TRPC4: variants seen among roughly 807,000 people sequenced by gnomAD.
TRPC4 encodes the protein short transient receptor potential channel 4.
A neutral mutation model predicts 99.4 loss-of-function variants in TRPC4; 49 were observed. The ratio of observed to expected loss-of-function variants is 0.49; its 90% confidence interval spans 0.39 to 0.63. The LOEUF is 0.63. TRPC4 is among the 20% of genes least tolerant of loss of function. The pLI is 0.00. For synonymous variants in TRPC4, 454 were observed against 425.9 expected (o/e 1.07, Z -0.81); for missense variants, 898 against 1,152.9 (o/e 0.78, Z 3.20).
chr13:37,787,907 T>C (rs1005845031), intron 1 of TRPC4, among the ~76,000 whole-genome samples: 3 of 152,110 alleles, frequency 2.0e-5, no homozygotes, highest in Non-Finnish European at 2.9e-5. Context: ...TTCCTTTTAA[T>C]TTTATTTTCT....
chr13:37,691,723 A>G (rs761396736), intron 4 of TRPC4, among the ~76,000 whole-genome samples: 1 of 152,226 alleles, frequency 6.6e-6, no homozygotes, highest in Admixed American at 6.5e-5. Flanking sequence ...AAGTTTTAAT[A>G]AACAAAAAAC....
At position 37,679,777 on chromosome 13, in the gene TRPC4, A is replaced by G. The variant is rs543333458; in HGVS notation, c.1235-5410T>C. On this transcript the variant is annotated intron_variant, in intron 4 of 10. Transcript: ENST00000379705. ...ATAGAATTGGGACATAATTGGGAAA[A>G]TGATAATAATATTTACTACCTCCAT... Among the ~76,000 whole-genome samples the G allele has an allele frequency of 1.3e-3, 195 of 152,332 alleles. 1 individual carries two copies. The highest frequency in any genetic ancestry group is 4.6e-3 in the African/African-American group (190 of 41,568).
intron 2 of TRPC4, 53 bp downstream of exon 2, chr13:37,782,903 A>C: frequency 7.1e-7 from 1 of 1,414,538 alleles, no homozygotes. Context: ...AAAAGAAAAA[A>C]CAAAAAACCT....
chr13:37,693,895 G>C (rs1953819866), intron 3 of TRPC4, among the ~76,000 whole-genome samples: 1 of 152,068 alleles, frequency 6.6e-6, no homozygotes, highest in African/African-American at 2.4e-5. Flanking sequence ...GCTGGGGTAG[G>C]GGGGACTATC....
chr13:37,645,312 G>A (rs1015987531), intron 8 of TRPC4, among the ~76,000 whole-genome samples: 9 of 152,114 alleles, frequency 5.9e-5, no homozygotes, highest in Non-Finnish European at 7.3e-5. Flanking sequence ...TTCAATAGAA[G>A]TTTCAGGTTT....
chr13:37,833,783 C>A (rs1400228661), intron 1 of TRPC4, among the ~76,000 whole-genome samples: 1 of 152,194 alleles, frequency 6.6e-6, no homozygotes, highest in Non-Finnish European at 1.5e-5. Flanking sequence ...TCAGCCTTCA[C>A]AAAACCATCC....
chr13:37,795,944 T>A (rs1366101774), intron 1 of TRPC4, among the ~76,000 whole-genome samples: 1 of 152,126 alleles, frequency 6.6e-6, no homozygotes. Context: ...CTACTAAATG[T>A]TGCATCCAGA....
chr13:37,702,725 G>A (rs112147650), intron 3 of TRPC4, among the ~76,000 whole-genome samples: 1 of 152,108 alleles, frequency 6.6e-6, no homozygotes. Flanking sequence ...CTTATGAAAT[G>A]AGGGGACCCT....
chr13:37,706,728 G>A (rs1593553476), intron 3 of TRPC4, among the ~76,000 whole-genome samples: 2 of 151,828 alleles, frequency 1.3e-5, no homozygotes, highest in East Asian at 1.9e-4. Flanking sequence ...AACATGCGGT[G>A]TTTGGTTTGT....
chr13:37,716,988 G>A (rs999284580), intron 3 of TRPC4, among the ~76,000 whole-genome samples: 4 of 151,904 alleles, frequency 2.6e-5, no homozygotes, highest in African/African-American at 4.8e-5. Context: ...ATAACCAAAC[G>A]CACACTCTTT....
At chr13:37,849,496 G>A (rs1173603289) in intron 1 of TRPC4, among the ~76,000 whole-genome samples, 1 of 152,110 alleles carries the variant, frequency 6.6e-6, no homozygotes, top group African/African-American at 2.4e-5. Flanking sequence ...GATTAAGGAT[G>A]TCAGCCCAAA....
At chr13:37,785,839 T>C (rs2139363414) in intron 1 of TRPC4, among the ~76,000 whole-genome samples, 1 of 152,204 alleles carries the variant, frequency 6.6e-6, no homozygotes, top group Non-Finnish European at 1.5e-5. Context: ...ACTGGAGAAC[T>C]TTGAGGAAGA....
chr13:37,758,280 T>C (rs562964662), intron 2 of TRPC4, among the ~76,000 whole-genome samples: 1 of 152,038 alleles, frequency 6.6e-6, no homozygotes, highest in Admixed American at 6.6e-5. Context: ...ATTGTTAGTA[T>C]GTTGAATCCA....
chr13:37,695,415 G>A (rs999124109), intron 3 of TRPC4, among the ~76,000 whole-genome samples: 12 of 152,102 alleles, frequency 7.9e-5, no homozygotes, highest in Non-Finnish European at 1.3e-4. Context: ...CAGTGTGCTG[G>A]GAGCCTACAG....
rs576262756 is a variant in TRPC4 at position 37,748,474 on chromosome 13, CA to C, written c.379-2020del. Among the ~76,000 whole-genome samples the C allele has an allele frequency of 2.3e-3, 352 of 151,784 alleles. 4 individuals are homozygous for C. The highest frequency in any genetic ancestry group is 0.014 in the Middle Eastern group (4 of 292). On this transcript the variant is annotated intron_variant, in intron 2 of 10. Transcript: ENST00000379705. ...TAATATATCCATACAGAATGGCATA[CA>C]TTTTTTTTCAAAAAAATAACAGTGT... is the stretch of plus-strand genomic sequence containing the variant.
chr13:37,680,443 G>A (rs1953199015), intron 4 of TRPC4, among the ~76,000 whole-genome samples: 1 of 152,244 alleles, frequency 6.6e-6, no homozygotes, highest in Middle Eastern at 3.4e-3. Flanking sequence ...AAAAAACAGA[G>A]GTTTGGATTA....
Position 37,636,118 on chromosome 13 carries a change from T to C in TRPC4, c.*785A>G, listed in dbSNP as rs1294322209. On this transcript the variant is annotated 3_prime_UTR_variant, in exon 11 of 11. Coordinates refer to ENST00000379705, the MANE Select transcript of TRPC4 (RefSeq NM_016179.4). The stretch of plus-strand genomic sequence containing the variant: ...TTTTTTTATAACAGAAATCTTGCCA[T>C]ATTTTTGAAATTCAGTTATTCATAA... 6.6e-6 allele frequency among the ~76,000 whole-genome samples: 1 copy of C among 152,094 alleles called. No homozygotes were observed. Among genetic ancestry groups the C allele is most frequent in the Non-Finnish European group, 1.5e-5 (1 of 68,000 alleles).
At chr13:37,673,674 G>A (rs1203122928) in intron 5 of TRPC4, among the ~76,000 whole-genome samples, 1 of 152,076 alleles carries the variant, frequency 6.6e-6, no homozygotes, top group African/African-American at 2.4e-5. Flanking sequence ...TAAGATTGAT[G>A]GTGTACAAAA....
At position 37,861,683 on chromosome 13, in the gene TRPC4, T is replaced by C. The variant is rs550362161; in HGVS notation, c.-28+7912A>G. The stretch of plus-strand genomic sequence containing the variant: ...CGTGCTGGAGTGCTAAATAAAAATG[T>C]GCAGTTCAGCTCCAAGTAGCTTGCA... On this transcript the variant is annotated intron_variant, in intron 1 of 10. Coordinates refer to ENST00000379705, the MANE Select transcript of TRPC4 (RefSeq NM_016179.4). Among the ~76,000 whole-genome samples, 22 of 151,728 alleles carry C rather than the reference T, an allele frequency of 1.4e-4. 1 individual carries two copies. In the South Asian group the frequency reaches 4.6e-3, roughly 31 times the overall value.
Sources: gnomAD v4.1 joint callset for allele counts (sites outside exome capture counted in the v4.1 genomes callset) on GRCh38, gnomAD v4.1.1 for gene constraint, MANE v1.5 for transcripts, NCBI Gene and HGNC (gene_info 2026-07-23, HGNC 2026-07-21) for gene names.